The following NCOA3 variants were observed in gnomAD, a reference collection of about 807,000 sequenced individuals.
The protein encoded by NCOA3 is nuclear receptor coactivator 3.
Under a neutral mutation model 158.8 loss-of-function variants are expected in NCOA3, and 51 were observed. The ratio of observed to expected loss-of-function variants is 0.32; its 90% confidence interval spans 0.26 to 0.41. The LOEUF (loss-of-function observed/expected upper bound fraction) is 0.41, where lower values mean the gene tolerates loss of function less well. Ranked by LOEUF, NCOA3 falls within the 10% of genes least tolerant of loss-of-function variation. NCOA3 has a pLI of 1.00. For missense variants in NCOA3, 1,510 were observed against 1,746.6 expected (o/e 0.86, Z 2.41); for synonymous variants, 537 against 592.4 (o/e 0.91, Z 1.36).
In NCOA3 at chr20:47,651,146, G is replaced by T. The variant is rs746528822; in HGVS notation, c.3816G>T (p.Gln1272His). ...AACAGCAACAGCAACAGCAACAGCAGCAACAGCAGCAAACCCAGGCCTTCA... is the reference window on the plus strand; with the variant it reads ...AACAGCAACAGCAACAGCAACAGCATCAACAGCAGCAAACCCAGGCCTTCA... Reference protein sequence around the residue: ...QQQQQQQQQQQQQQQTQAFSP... With the variant: ...QQQQQQQQQQHQQQQTQAFSP... Residue 1272 changes from glutamine (Q) to histidine (H), a missense_variant, in exon 20 of 23, where the codon CAG (glutamine) becomes CAT (histidine). Gln to His is a conservative substitution (Grantham distance 24). Around this residue, in one of 4 missense-constraint regions of NCOA3, gnomAD observed 180 missense variants for 199.3 expected, o/e 0.90. Coordinates refer to ENST00000371998, the MANE Select transcript of NCOA3 (RefSeq NM_181659.3). 8 of 1,613,720 alleles carry T rather than the reference G, an allele frequency of 5.0e-6. No individual in the cohort carries two copies. The Admixed American group carries it at 1.2e-4, about 24-fold the overall frequency.
At chr20:47,565,394 T>G (rs1302386187) in intron 1 of NCOA3, among the ~76,000 whole-genome samples, 1 of 152,030 alleles carries the variant, frequency 6.6e-6, no homozygotes, top group African/African-American at 2.4e-5. Context: ...GATTATTTAG[T>G]CTTTGTAACT....
intron 1 of NCOA3, among the ~76,000 whole-genome samples, chr20:47,573,289 A>G (rs543469334): frequency 6.6e-6 from 1 of 152,280 alleles, no homozygotes; most frequent in African/African-American, 2.4e-5. Context: ...GCTACTCAGT[A>G]GGCTGAGGCA....
chr20:47,519,158 G>C (rs1010511530), intron 1 of NCOA3, among the ~76,000 whole-genome samples: 1 of 146,442 alleles, frequency 6.8e-6, no homozygotes, highest in Non-Finnish European at 1.5e-5. Context: ...GAAAAAGCCA[G>C]GCACGGTGGG....
intron 2 of NCOA3, among the ~76,000 whole-genome samples, chr20:47,605,493 T>A (rs559445637): frequency 6.6e-6 from 1 of 152,268 alleles, no homozygotes; most frequent in Admixed American, 6.5e-5. Flanking sequence ...TACAACTGCC[T>A]GTGGCAGTTT....
At chr20:47,614,136 C>T (rs1324388608) in intron 2 of NCOA3, among the ~76,000 whole-genome samples, 2 of 151,936 alleles carry the variant, frequency 1.3e-5, no homozygotes, top group Non-Finnish European at 2.9e-5. Flanking sequence ...GTCCTTTCTC[C>T]GTGGTACCAG....
chr20:47,638,892 T>G, intron 13 of NCOA3, 116 bp from the exon 14 acceptor site: 1 of 806,296 alleles, frequency 1.2e-6, no homozygotes, highest in Non-Finnish European at 1.8e-6. Context: ...AGGAAGACAG[T>G]GTTTGTTTTT....
chr20:47,561,276 ATT>A (rs35951835), intron 1 of NCOA3, among the ~76,000 whole-genome samples: 1 of 123,894 alleles, frequency 8.1e-6, no homozygotes. Context: ...GGACTGGCCA[ATT>A]TTTTTTTTTT....
In NCOA3 at chr20:47,644,894, C is replaced by T. The variant is rs372820335; in HGVS notation, c.3253-2179C>T. 2.9e-4 allele frequency among the ~76,000 whole-genome samples: 44 copies of T among 151,994 alleles called. No individual in the cohort carries two copies. The East Asian group carries it at 7.8e-3, about 27-fold the overall frequency. ...TGTATTTTTAGTAAAGACGGGGTTT[C>T]ACCATATTGGCCAGGCTGGTCTCGA... On this transcript the variant is annotated intron_variant, in intron 17 of 22. Transcript: ENST00000371998.
chr20:47,532,110 T>TTGCGTGTG (rs147784105), intron 1 of NCOA3, among the ~76,000 whole-genome samples: 1 of 147,402 alleles, frequency 6.8e-6, no homozygotes, highest in African/African-American at 2.5e-5. Flanking sequence ...AGGGGGGGAC[T>TTGCGTGTG]TGTGTGTGTG....
chr20:47,651,894 C>T (rs2086801026), intron 20 of NCOA3, among the ~76,000 whole-genome samples: 1 of 151,898 alleles, frequency 6.6e-6, no homozygotes, highest in Non-Finnish European at 1.5e-5. Flanking sequence ...TCTCGATCTC[C>T]TGACCTCGTG....
rs1230699943 is a variant in NCOA3 at position 47,639,926 on chromosome 20, G to C, written c.2955G>C (p.Arg985Ser). ...LQQQQQMLQM[R>S]PGEIPMGMGA... ...TGTGCTTTCTTTTTGCTCCCCCAGG[G>C]CCTGGTGAAATCCCCATGGGAATGG... Residue 985 changes from arginine to serine, a missense_variant and splice_region_variant, in exon 16 of 23, where the codon AGG becomes AGC. Coordinates refer to ENST00000371998, the MANE Select transcript of NCOA3 (RefSeq NM_181659.3). The C allele has an allele frequency of 6.2e-7, 1 of 1,614,114 alleles. No individual in the cohort carries two copies. The highest frequency in any genetic ancestry group is 1.3e-5 in the African/African-American group (1 of 75,016).
Position 47,635,501 on chromosome 20 carries a change from C to T in NCOA3, c.1292C>T (p.Ala431Val). 4 of 1,614,028 alleles carry T rather than the reference C, an allele frequency of 2.5e-6. No homozygotes were observed. Among genetic ancestry groups the T allele is most frequent in the Non-Finnish European group, 3.4e-6 (4 of 1,179,994 alleles). Residue 431 changes from alanine (A) to valine (V), a missense_variant, in exon 11 of 23, where the codon GCT (alanine) becomes GTT (valine). This residue lies in a region of NCOA3 where 1,017 missense variants were observed against 1,098.3 expected (regional missense o/e 0.93). Transcript: ENST00000371998. ...DPSTTGQMSG[A>V]RYGGSSNIAS... Reference sequence around the variant, plus strand: ...AGCACCACAGGGCAGATGAGTGGAGCTAGGTATGGGGGTTCCAGTAACATA... The same window carrying T: ...AGCACCACAGGGCAGATGAGTGGAGTTAGGTATGGGGGTTCCAGTAACATA...
At chr20:47,612,741 A>G (rs1458468836) in intron 2 of NCOA3, among the ~76,000 whole-genome samples, 1 of 152,228 alleles carries the variant, frequency 6.6e-6, no homozygotes, top group Non-Finnish European at 1.5e-5. Context: ...GTAGAAGTCA[A>G]TGTAACCTTT....
At chr20:47,589,816 C>T (rs72645217) in intron 2 of NCOA3, among the ~76,000 whole-genome samples, 33 of 152,244 alleles carry the variant, frequency 2.2e-4, no homozygotes, top group African/African-American at 7.5e-4. Context: ...CCTAAATTTA[C>T]TGAGTCATTG....
At chr20:47,570,939 T>TATATACACAC (rs369516174) in intron 1 of NCOA3, among the ~76,000 whole-genome samples, 223 of 114,942 alleles carry the variant, frequency 1.9e-3, no homozygotes, top group African/African-American at 7.4e-3. Context: ...GTAATATATA[T>TATATACACAC]ACACACACAC....
At chr20:47,517,653 G>A (rs2146072739) in intron 1 of NCOA3, among the ~76,000 whole-genome samples, 1 of 152,002 alleles carries the variant, frequency 6.6e-6, no homozygotes, top group East Asian at 1.9e-4. Context: ...TTTTTGCCAT[G>A]TTGGCCAGGC....
intron 16 of NCOA3, among the ~76,000 whole-genome samples, chr20:47,640,840 A>G (rs1416615652): frequency 6.6e-6 from 1 of 151,814 alleles, no homozygotes; most frequent in Non-Finnish European, 1.5e-5. Flanking sequence ...GTGAGCTGAG[A>G]TTATGCCACT....
chr20:47,539,350 A>T (rs1169390996), intron 1 of NCOA3, among the ~76,000 whole-genome samples: 1 of 152,218 alleles, frequency 6.6e-6, no homozygotes, highest in East Asian at 1.9e-4. Context: ...TCCAGGAAAA[A>T]ATAAAATAAA....
At chr20:47,624,215 T>G in intron 4 of NCOA3, 132 bp downstream of exon 4, 1 of 688,540 alleles carries the variant, frequency 1.5e-6, no homozygotes, top group Non-Finnish European at 2.4e-6. Context: ...TTCAAGCACA[T>G]TACGTTTGTG....
Sources: gnomAD v4.1 joint callset for allele counts (sites outside exome capture counted in the v4.1 genomes callset) on GRCh38, gnomAD v4.1.1 for gene constraint, gnomAD v4.1.1 regional missense constraint, MANE v1.5 for transcripts, NCBI Gene and HGNC (gene_info 2026-07-23, HGNC 2026-07-21) for gene names.